Variants in CNTN3 observed in about 807,000 individuals in gnomAD.
CNTN3 encodes the protein contactin 3.
CNTN3 carries 60 observed loss-of-function variants against 119.1 expected under a neutral mutation model. The ratio of observed to expected loss-of-function variants is 0.50; its 90% CI spans 0.41 to 0.62. The LOEUF is 0.62. Among genes scored for constraint, CNTN3 ranks in the 20% least tolerant of loss-of-function variants. The pLI, the probability that CNTN3 is intolerant of heterozygous loss-of-function variation, is 0.00. For missense variants in CNTN3, 1,101 were observed against 1,242.4 expected, an observed-to-expected ratio of 0.89 and a Z score of 1.71; for synonymous variants, 450 against 438.7, an observed-to-expected ratio of 1.03 and a Z score of -0.32.
intron 5 of CNTN3, among the ~76,000 whole-genome samples, chr3:74,374,727 C>A (rs1704434647): frequency 6.6e-6 from 1 of 152,090 alleles, no homozygotes; most frequent in African/African-American, 2.4e-5. Flanking sequence ...TCTCCATGGG[C>A]CAAATTGCTG....
chr3:74,286,794 AT>A (rs1449402225), intron 19 of CNTN3, among the ~76,000 whole-genome samples: 1 of 152,162 alleles, frequency 6.6e-6, no homozygotes, highest in Non-Finnish European at 1.5e-5. Context: ...GTTCTCAATC[AT>A]TTTTCATTGC....
chr3:74,608,545 G>C (rs1298599008), intron 1 of CNTN3, among the ~76,000 whole-genome samples: 1 of 152,070 alleles, frequency 6.6e-6, no homozygotes, highest in Admixed American at 6.5e-5. Flanking sequence ...GCTTCCTTTA[G>C]AGCATATGTT....
At chr3:74,533,832 C>T (rs1238872921) in intron 1 of CNTN3, among the ~76,000 whole-genome samples, 1 of 152,040 alleles carries the variant, frequency 6.6e-6, no homozygotes, top group Non-Finnish European at 1.5e-5. Flanking sequence ...TCCCAGCAGA[C>T]ACTCAACAAT....
Position 74,345,582 on chromosome 3 carries a change from A to G in CNTN3, c.1365-8924T>C, listed in dbSNP as rs183112285. On this transcript the variant is annotated intron_variant, in intron 11 of 22. Coordinates refer to ENST00000263665, the MANE Select transcript of CNTN3 (RefSeq NM_020872.3). ...GAGTGTTAATATTCAGTTACCCTTAAGTTGTGAGCGGTAAAAGAAGTAACC... is the reference window on the plus strand; with the variant it reads ...GAGTGTTAATATTCAGTTACCCTTAGGTTGTGAGCGGTAAAAGAAGTAACC... 2.1e-3 allele frequency among the ~76,000 whole-genome samples: 326 copies of G among 152,260 alleles called. 1 individual carries two copies. The highest frequency in any genetic ancestry group is 3.8e-3 in the Non-Finnish European group (257 of 68,006).
At chr3:74,438,313 C>A (rs1401538619) in intron 4 of CNTN3, among the ~76,000 whole-genome samples, 1 of 152,148 alleles carries the variant, frequency 6.6e-6, no homozygotes. Context: ...TTCTTAGACA[C>A]TTTGATACTT....
intron 4 of CNTN3, among the ~76,000 whole-genome samples, chr3:74,450,407 T>C (rs1702126936): frequency 6.6e-6 from 1 of 152,012 alleles, no homozygotes; most frequent in Admixed American, 6.6e-5. Context: ...TAAAGGTCTA[T>C]GTACAAAGAT....
intron 5 of CNTN3, among the ~76,000 whole-genome samples, chr3:74,378,056 A>G (rs1704522390): frequency 6.6e-6 from 1 of 152,220 alleles, no homozygotes; most frequent in Non-Finnish European, 1.5e-5. Context: ...CCAACTGGGA[A>G]GTCTGACCTA....
chr3:74,358,195 G>A (rs1703985060), intron 11 of CNTN3, among the ~76,000 whole-genome samples: 1 of 152,158 alleles, frequency 6.6e-6, no homozygotes, highest in Non-Finnish European at 1.5e-5. Flanking sequence ...ATCTAAGGAG[G>A]ATTGGAACAC....
chr3:74,312,206 C>A (rs998340472), intron 13 of CNTN3, among the ~76,000 whole-genome samples: 1 of 152,050 alleles, frequency 6.6e-6, no homozygotes. Context: ...GTAATCCCAG[C>A]ACTTTGGGAG....
chr3:74,406,541 T>G (rs1362982345), intron 5 of CNTN3, among the ~76,000 whole-genome samples: 1 of 150,484 alleles, frequency 6.6e-6, no homozygotes, highest in Non-Finnish European at 1.5e-5. Flanking sequence ...AACTATGTGT[T>G]TTTTTTTTTA....
chr3:74,553,547 C>G (rs528609944), intron 1 of CNTN3, among the ~76,000 whole-genome samples: 10 of 152,304 alleles, frequency 6.6e-5, no homozygotes, highest in African/African-American at 2.2e-4. Context: ...TTTACACTCC[C>G]ACCAACAGTG....
intron 1 of CNTN3, among the ~76,000 whole-genome samples, chr3:74,602,610 A>G (rs1322373593): frequency 1.3e-5 from 2 of 152,148 alleles, no homozygotes; most frequent in Non-Finnish European, 2.9e-5. Context: ...TTGATTAGAT[A>G]AGAACTTTTG....
At chr3:74,585,678 T>G (rs980328542) in intron 1 of CNTN3, among the ~76,000 whole-genome samples, 4 of 152,164 alleles carry the variant, frequency 2.6e-5, no homozygotes, top group Non-Finnish European at 5.9e-5. Flanking sequence ...TTAGGCACAC[T>G]GTAAAATTAA....
intron 11 of CNTN3, among the ~76,000 whole-genome samples, chr3:74,354,926 C>A (rs902380505): frequency 6.6e-6 from 1 of 152,150 alleles, no homozygotes; most frequent in Admixed American, 6.5e-5. Context: ...ACAGCCTCTA[C>A]CATTTAAAGA....
intron 5 of CNTN3, among the ~76,000 whole-genome samples, chr3:74,385,682 T>C (rs1217155633): frequency 6.6e-6 from 1 of 152,220 alleles, no homozygotes; most frequent in Non-Finnish European, 1.5e-5. Flanking sequence ...ACCTGTGGGA[T>C]GTGAATTCTT....
rs1259846691 is a variant in CNTN3 at position 74,263,340 on chromosome 3, A to G, written c.*1061T>C. 6.6e-6 allele frequency: 1 copy of G among 152,072 alleles called. No homozygotes were observed. The highest frequency in any genetic ancestry group is 1.5e-5 in the Non-Finnish European group (1 of 67,984). 9.4% of individuals were successfully genotyped at this position (152,072 alleles called of 1,614,324 possible). ...GATGGTGGGATTTCATTAAAAAACC[A>G]TCTCTGCCATCCAAAAAGAGAGGGT... is the stretch of plus-strand genomic sequence containing the variant. On this transcript the variant is annotated 3_prime_UTR_variant, in exon 23 of 23. Transcript: ENST00000263665.
intron 1 of CNTN3, among the ~76,000 whole-genome samples, chr3:74,535,116 A>G (rs916588952): frequency 6.6e-6 from 1 of 152,076 alleles, no homozygotes; most frequent in Non-Finnish European, 1.5e-5. Flanking sequence ...CGCTGCTTAC[A>G]TCTTTTTGTT....
At chr3:74,477,618 G>T (rs1702682460) in intron 4 of CNTN3, among the ~76,000 whole-genome samples, 1 of 152,000 alleles carries the variant, frequency 6.6e-6, no homozygotes, top group Non-Finnish European at 1.5e-5. Flanking sequence ...AGGTGGAGAT[G>T]GTTAATGGGT....
chr3:74,349,309 C>T (rs1035622871), intron 11 of CNTN3, among the ~76,000 whole-genome samples: 34 of 152,102 alleles, frequency 2.2e-4, no homozygotes, highest in African/African-American at 8.2e-4. Flanking sequence ...TTAAATGATA[C>T]TACTGAATAT....
Sources: gnomAD v4.1 joint callset for allele counts (sites outside exome capture counted in the v4.1 genomes callset) on GRCh38, gnomAD v4.1.1 for gene constraint, MANE v1.5 for transcripts, NCBI Gene and HGNC (gene_info 2026-07-23, HGNC 2026-07-21) for gene names.